Variants in KLHL33 observed in about 807,000 individuals in gnomAD.
KLHL33 encodes kelch-like protein 33.
Under a neutral mutation model 60.8 loss-of-function variants are expected in KLHL33, and 46 were observed. The observed-to-expected ratio is 0.76, with a 90% confidence interval of 0.60 to 0.97. KLHL33 has a LOEUF of 0.97. Ranked by LOEUF, KLHL33 falls within the 50% of genes least tolerant of loss-of-function variation. The pLI is 0.00. For missense variants in KLHL33, 1,055 were observed against 1,000.0 expected (o/e 1.05, Z -0.74); for synonymous variants, 434 against 432.2 (o/e 1.00, Z -0.05).
chr14:20,430,141 C>T lies in KLHL33; in HGVS notation c.1327G>A (p.Gly443Arg), dbSNP rs147268492. 8.9e-5 allele frequency: 138 copies of T among 1,551,558 alleles called. No individual in the cohort carries two copies. In the East Asian group the frequency reaches 2.4e-3, roughly 27 times the overall value. ...TRELRRVRAA[G>R]LLPPLTPDLL... The stretch of plus-strand genomic sequence containing the variant: ...TCTGGGGTCAGGGGTGGAAGTAGCC[C>T]GGCTGCCCGCACCCTCCGCAACTCC... Residue 443 changes from glycine (G) to arginine (R), a missense_variant, in exon 3 of 5, where the codon GGG becomes AGG. Gly to Arg is a moderately radical substitution (Grantham distance 125, BLOSUM62 -2). Coordinates refer to ENST00000636854, the MANE Select transcript of KLHL33 (RefSeq NM_001365790.2).
Position 20,432,795 on chromosome 14 carries a change from G to A in KLHL33, c.749-2076C>T, listed in dbSNP as rs1285207188. Among the ~76,000 whole-genome samples, 6 of 151,912 alleles carry A rather than the reference G, an allele frequency of 3.9e-5. No homozygotes were observed. In the South Asian group the frequency reaches 6.2e-4, roughly 16 times the overall value. On this transcript the variant is annotated intron_variant, in intron 2 of 4. Coordinates refer to ENST00000636854, the MANE Select transcript of KLHL33 (RefSeq NM_001365790.2). ...AAATTAGCTGGGTGTGGTGGTGCAC[G>A]CCTGTAATCCCAGTTACTCGGGAGG...
At chr14:20,430,822 C>CCAAACTCTAAGTTTGGA in intron 2 of KLHL33, 103 bp from the exon 3 acceptor site, 1 of 777,624 alleles carries the variant, frequency 1.3e-6, no homozygotes, top group Non-Finnish European at 2.0e-6. Flanking sequence ...CTAAGTTTGG[C>CCAAACTCTAAGTTTGGA]CCTCCAAGCC....
In KLHL33 at chr14:20,435,350, G is replaced by A; in HGVS notation, c.462C>T (p.Leu154=). 5 of 1,234,312 alleles carry A rather than the reference G, an allele frequency of 4.1e-6. No individual in the cohort carries two copies. Among genetic ancestry groups the A allele is most frequent in the Non-Finnish European group, 5.1e-6 (5 of 988,122 alleles). 76.5% of individuals were successfully genotyped at this position (1,234,312 alleles called of 1,614,324 possible). The change falls in exon 2 of 5, where the codon CTC becomes CTT. Residue 154 remains leucine (L), a synonymous_variant. Coordinates refer to ENST00000636854, the MANE Select transcript of KLHL33 (RefSeq NM_001365790.2). ...GGGGPRPPFS[L]EVSPGGWEAV... ...CCTCCCAGCCCCCTGGGGACACCTC[G>A]AGGCTGAAGGGGGGCCGCGGACCTC...
In KLHL33 at chr14:20,430,533, TGG is replaced by T. The variant is rs755418436; in HGVS notation, c.933_934del (p.Gln312GlyfsTer73). The T allele has an allele frequency of 6.5e-7, 1 of 1,544,644 alleles. No individual in the cohort carries two copies. Among genetic ancestry groups the T allele is most frequent in the South Asian group, 1.2e-5 (1 of 84,066 alleles). On this transcript the variant is annotated frameshift_variant, in exon 3 of 5. Coordinates refer to ENST00000636854, the MANE Select transcript of KLHL33 (RefSeq NM_001365790.2). LOFTEE classifies it high-confidence loss of function. Reference sequence around the variant, plus strand: ...AGAGCTCTGGTACTGCAGAGCAGCCTGGGCAGCTCTCAGTAGCCCTGGCCACC... The same window carrying T: ...AGAGCTCTGGTACTGCAGAGCAGCCTGCAGCTCTCAGTAGCCCTGGCCACC...
At position 20,435,438 on chromosome 14, in the gene KLHL33, C is replaced by A. The variant is rs1880658744; in HGVS notation, c.374G>T (p.Gly125Val). The part of the protein sequence containing the change: ...EEVSVAGRVY[G>V]VHRVILAAIS... Reference sequence around the variant, plus strand: ...TGCGGCCAGGATCACCCGATGCACCCCGTATACCCGCCCCGCGACTGACAC... The same window carrying A: ...TGCGGCCAGGATCACCCGATGCACCACGTATACCCGCCCCGCGACTGACAC... The change falls in exon 2 of 5, where the codon GGG becomes GTG. Residue 125 changes from glycine (G) to valine (V), a missense_variant. By Grantham distance (109) the Gly-to-Val change is moderately radical (BLOSUM62 -3). Transcript: ENST00000636854. 8.1e-7 allele frequency: 1 copy of A among 1,234,458 alleles called. No individual in the cohort carries two copies. Among genetic ancestry groups the A allele is most frequent in the South Asian group, 4.1e-5 (1 of 24,416 alleles). 76.5% of individuals were successfully genotyped at this position (1,234,458 alleles called of 1,614,324 possible).
intron 3 of KLHL33, 25 bp downstream of exon 3, chr14:20,429,770 C>T (rs775349937): frequency 6.6e-7 from 1 of 1,522,490 alleles, no homozygotes; most frequent in South Asian, 1.3e-5. Flanking sequence ...CCTGCCACAC[C>T]CTGCCCACTC....
rs530011265 is a variant in KLHL33 at position 20,426,817 on chromosome 14, T to G, written c.*2032A>C. The G allele has an allele frequency of 2.0e-5, 3 of 151,680 alleles. No individual in the cohort carries two copies. The highest frequency in any genetic ancestry group is 4.4e-5 in the Non-Finnish European group (3 of 67,958). The allele number at this position is 151,680 out of a possible 1,614,324, so 9.4% of individuals were successfully genotyped here. ...ACAATGATAGACCGGATTAAGAAAA[T>G]GTGGCACATATACACCATGGAATAC... On this transcript the variant is annotated 3_prime_UTR_variant, in exon 5 of 5. Coordinates refer to ENST00000636854, the MANE Select transcript of KLHL33 (RefSeq NM_001365790.2).
intron 2 of KLHL33, among the ~76,000 whole-genome samples, chr14:20,432,401 C>G (rs1409194285): frequency 2.0e-5 from 3 of 151,560 alleles, no homozygotes; most frequent in Admixed American, 2.0e-4. Context: ...GCGTGAGCCA[C>G]TATGCCTGGC....
At chr14:20,429,711 C>A in intron 3 of KLHL33, 42 bp from the exon 4 acceptor site, 1 of 1,539,910 alleles carries the variant, frequency 6.5e-7, no homozygotes. Context: ...GGACTCTGGG[C>A]ATCCGTGGTT....
Position 20,435,623 on chromosome 14 carries a change from C to T in KLHL33, c.189G>A (p.Arg63=). ...EEPGSRPLVP[R]NLPFPALSLE... ...GGGACAAGGCTGGAAAGGGAAGGTTCCTTGGGACCAGGGGCCTGGAACCAG... is the reference window on the plus strand; with the variant it reads ...GGGACAAGGCTGGAAAGGGAAGGTTTCTTGGGACCAGGGGCCTGGAACCAG... The change falls in exon 2 of 5, where the codon AGG becomes AGA. Residue 63 remains arginine (R), a synonymous_variant. Coordinates refer to ENST00000636854, the MANE Select transcript of KLHL33 (RefSeq NM_001365790.2). 2 of 1,234,584 alleles carry T rather than the reference C, an allele frequency of 1.6e-6. No homozygotes were observed. Among genetic ancestry groups the T allele is most frequent in the East Asian group, 6.3e-5 (2 of 31,700 alleles). 76.5% of individuals were successfully genotyped at this position (1,234,584 alleles called of 1,614,324 possible).
At position 20,425,914 on chromosome 14, in the gene KLHL33, T is replaced by C. The variant is rs1251021671; in HGVS notation, c.*2935A>G. ...AGGTACAAATCACAAAAAATGTTCA[T>C]AGAAGTTCATCCAGAGAGCTTGTCA... On this transcript the variant is annotated 3_prime_UTR_variant, in exon 5 of 5. Transcript: ENST00000636854. The C allele has an allele frequency of 1.3e-5, 2 of 152,330 alleles. No homozygotes were observed. Among genetic ancestry groups the C allele is most frequent in the East Asian group, 3.9e-4 (2 of 5,192 alleles). 9.4% of individuals were successfully genotyped at this position (152,330 alleles called of 1,614,324 possible). A position where few individuals can be genotyped will look rare whatever the true frequency, so the allele number is the denominator to read the frequency against.
Position 20,429,084 on chromosome 14 carries a change from A to G in KLHL33, c.2159T>C (p.Val720Ala), listed in dbSNP as rs1019417315. The G allele has an allele frequency of 2.6e-6, 4 of 1,551,682 alleles. No homozygotes were observed. Among genetic ancestry groups the G allele is most frequent in the African/African-American group, 1.4e-5 (1 of 73,168 alleles). The change falls in exon 5 of 5, where the codon GTG becomes GCG. Residue 720 changes from valine (V) to alanine (A), a missense_variant. Transcript: ENST00000636854. Reference protein sequence around the residue: ...THLAPLPSPHVGAASAVLQGE... With the variant: ...THLAPLPSPHAGAASAVLQGE... ...CTGCAGCACAGCACTTGCAGCCCCCACATGGGGGGAGGGTAGGGGTGCCAG... is the reference window on the plus strand; with the variant it reads ...CTGCAGCACAGCACTTGCAGCCCCCGCATGGGGGGAGGGTAGGGGTGCCAG...
chr14:20,435,298 C>A lies in KLHL33; in HGVS notation c.514G>T (p.Val172Leu). The change falls in exon 2 of 5, where the codon GTG becomes TTG. Residue 172 changes from valine to leucine, a missense_variant. Physicochemically the swap from Val to Leu is conservative, Grantham distance 32 (BLOSUM62 1). Transcript: ENST00000636854. ...EAVLTFAYEG[V>L]LGPASQGDVL... ...TCCCCCTGCGAGGCGGGGCCCAGCA[C>A]CCCCTCATAGGCAAAGGTCAGCACG... 8.1e-7 allele frequency: 1 copy of A among 1,234,444 alleles called. No individual in the cohort carries two copies. The highest frequency in any genetic ancestry group is 1.0e-6 in the Non-Finnish European group (1 of 988,220). The allele number at this position is 1,234,444 out of a possible 1,614,324, so 76.5% of individuals were successfully genotyped here.
In KLHL33 at chr14:20,435,642, G is replaced by C; in HGVS notation, c.170C>G (p.Ser57Cys). 8.1e-7 allele frequency: 1 copy of C among 1,234,710 alleles called. No homozygotes were observed. The highest frequency in any genetic ancestry group is 1.0e-6 in the Non-Finnish European group (1 of 988,378). The allele number at this position is 1,234,710 out of a possible 1,614,324, so 76.5% of individuals were successfully genotyped here. A position where few individuals can be genotyped will look rare whatever the true frequency, so the allele number is the denominator to read the frequency against. The stretch of plus-strand genomic sequence containing the variant: ...AAGGTTCCTTGGGACCAGGGGCCTG[G>C]AACCAGGCTCCTCCAGAGGAAAGGA... The part of the protein sequence containing the change: ...LPSFPLEEPG[S>C]RPLVPRNLPF... Residue 57 changes from serine to cysteine, a missense_variant, in exon 2 of 5, where the codon TCC becomes TGC. Physicochemically the swap from Ser to Cys is moderately radical, Grantham distance 112. Transcript: ENST00000636854.
At position 20,429,522 on chromosome 14, in the gene KLHL33, G is replaced by A. The variant is rs1485853234; in HGVS notation, c.1821C>T (p.Asn607=). ...DVALDSVETY[N]PELNVWRPAP... Reference sequence around the variant, plus strand: ...CTTACCTCCAGACATTGAGCTCAGGGTTGTAGGTCTCCACAGAGTCCAGGG... The same window carrying A: ...CTTACCTCCAGACATTGAGCTCAGGATTGTAGGTCTCCACAGAGTCCAGGG... Residue 607 remains asparagine, a synonymous_variant, in exon 4 of 5, where the codon AAC becomes AAT. Coordinates refer to ENST00000636854, the MANE Select transcript of KLHL33 (RefSeq NM_001365790.2). 1 of 1,552,218 alleles carries A rather than the reference G, an allele frequency of 6.4e-7. No individual in the cohort carries two copies. Among genetic ancestry groups the A allele is most frequent in the South Asian group, 1.2e-5 (1 of 84,054 alleles).
Position 20,431,378 on chromosome 14 carries a change from A to T in KLHL33, c.749-659T>A, listed in dbSNP as rs545080879. On this transcript the variant is annotated intron_variant, in intron 2 of 4. Transcript: ENST00000636854. ...TGTTCTTGGTGTAATTTGTAGAATCATGAGATCTGAAACTTGAGAACTTCA... is the reference window on the plus strand; with the variant it reads ...TGTTCTTGGTGTAATTTGTAGAATCTTGAGATCTGAAACTTGAGAACTTCA... Among the ~76,000 whole-genome samples, 6 of 152,330 alleles carry T rather than the reference A, an allele frequency of 3.9e-5. No individual in the cohort carries two copies. The South Asian group carries it at 1.2e-3, about 32-fold the overall frequency.
chr14:20,429,672 G>A lies in KLHL33; in HGVS notation c.1674-3C>T. ...AGTCCTCTTGACTGGGCTCCCACCT[G>A]GACACAGTAGGACAAGAGATTGGAA... On this transcript the variant is annotated splice_polypyrimidine_tract_variant and splice_region_variant and intron_variant, in intron 3 of 4. Transcript: ENST00000636854. The A allele has an allele frequency of 6.5e-7, 1 of 1,549,528 alleles. No homozygotes were observed. Among genetic ancestry groups the A allele is most frequent in the East Asian group, 2.4e-5 (1 of 40,898 alleles).
At position 20,430,401 on chromosome 14, in the gene KLHL33, C is replaced by A. The variant is rs1253101651; in HGVS notation, c.1067G>T (p.Ser356Ile). ...GGTGAGGAGGTAGTGACGGGCTTTG[C>A]TCCAGAGCCTCTCCAACCCAGGGGC... Reference protein sequence around the residue: ...AEAPGLERLWSKARHYLLTHL... With the variant: ...AEAPGLERLWIKARHYLLTHL... Residue 356 changes from serine to isoleucine, a missense_variant, in exon 3 of 5, where the codon AGC becomes ATC. Transcript: ENST00000636854. The A allele has an allele frequency of 5.2e-6, 8 of 1,551,682 alleles. No individual in the cohort carries two copies. The highest frequency in any genetic ancestry group is 7.0e-6 in the Non-Finnish European group (8 of 1,147,030).
chr14:20,435,544 G>A lies in KLHL33; in HGVS notation c.268C>T (p.Leu90=). 1.6e-6 allele frequency: 2 copies of A among 1,234,762 alleles called. No individual in the cohort carries two copies. Among genetic ancestry groups the A allele is most frequent in the Middle Eastern group, 2.1e-4 (1 of 4,840 alleles). 76.5% of individuals were successfully genotyped at this position (1,234,762 alleles called of 1,614,324 possible). A position where few individuals can be genotyped will look rare whatever the true frequency, so the allele number is the denominator to read the frequency against. ...TGGCTCGGATGCTCCTCGCTGCGCA[G>A]CCACTCGGGCTCTGCCGCATCTTCA... ...EDEDAAEPEW[L]RSEEHPSQFF... Residue 90 remains leucine (L), a synonymous_variant, in exon 2 of 5, where the codon CTG becomes TTG. Coordinates refer to ENST00000636854, the MANE Select transcript of KLHL33 (RefSeq NM_001365790.2).
Sources: gnomAD v4.1 joint callset for allele counts (sites outside exome capture counted in the v4.1 genomes callset) on GRCh38, gnomAD v4.1.1 for gene constraint, MANE v1.5 for transcripts, NCBI Gene and HGNC (gene_info 2026-07-23, HGNC 2026-07-21) for gene names.